The following EIPR1 variants were observed in gnomAD, a reference collection of about 807,000 sequenced individuals.
The protein encoded by EIPR1 is EARP complex and GARP complex interacting protein 1.
EIPR1 carries 25 observed loss-of-function variants against 48.1 expected under a neutral mutation model. The ratio of observed to expected loss-of-function variants is 0.52; its 90% CI spans 0.38 to 0.73. The LOEUF is 0.73. EIPR1 is among the 30% of genes least tolerant of loss of function. EIPR1 has a pLI of 0.00. For synonymous variants in EIPR1, 204 were observed against 201.9 expected (o/e 1.01, Z -0.09); for missense variants, 415 against 506.2 (o/e 0.82, Z 1.73).
chr2:3,314,325 C>T (rs558272537), intron 3 of EIPR1, among the ~76,000 whole-genome samples: 9 of 152,114 alleles, frequency 5.9e-5, no homozygotes, highest in Non-Finnish European at 1.3e-4. Flanking sequence ...AGGGCTTGCT[C>T]GAGCTAAGCC....
chr2:3,250,524 C>A (rs919948251), intron 4 of EIPR1, among the ~76,000 whole-genome samples: 1 of 152,116 alleles, frequency 6.6e-6, no homozygotes, highest in African/African-American at 2.4e-5. Flanking sequence ...CAAGTTAAGA[C>A]CTTGGGGGAC....
intron 3 of EIPR1, among the ~76,000 whole-genome samples, chr2:3,287,659 C>T (rs1191926597): frequency 6.7e-6 from 1 of 150,192 alleles, no homozygotes; most frequent in African/African-American, 2.5e-5. Context: ...AGCTCGTTCA[C>T]CACAATCCGG....
chr2:3,258,494 G>A (rs952144464), intron 3 of EIPR1, among the ~76,000 whole-genome samples: 12 of 115,550 alleles, frequency 1.0e-4, no homozygotes, highest in East Asian at 6.6e-4. Context: ...TATATATTGC[G>A]TTAGAACATA....
intron 3 of EIPR1, among the ~76,000 whole-genome samples, chr2:3,262,411 G>A (rs1667361651): frequency 1.3e-5 from 2 of 152,208 alleles, no homozygotes; most frequent in African/African-American, 4.8e-5. Context: ...GAGGACACCA[G>A]GACTTCCCCT....
intron 3 of EIPR1, among the ~76,000 whole-genome samples, chr2:3,308,554 C>T (rs777876784): frequency 2.0e-5 from 3 of 152,062 alleles, no homozygotes; most frequent in Admixed American, 6.5e-5. Flanking sequence ...TAGCAGATGG[C>T]CTCAGTCTCC....
intron 3 of EIPR1, among the ~76,000 whole-genome samples, chr2:3,259,590 C>G (rs1416470851): frequency 7.9e-5 from 12 of 152,230 alleles, no homozygotes; most frequent in African/African-American, 2.9e-4. Flanking sequence ...GTAGAGAAGG[C>G]AATGGAGGAA....
intron 2 of EIPR1, among the ~76,000 whole-genome samples, chr2:3,353,974 T>C (rs774135887): frequency 3.5e-4 from 53 of 152,120 alleles, no homozygotes; most frequent in African/African-American, 1.0e-3. Flanking sequence ...ATCTCCACTT[T>C]AGCAATAAGA....
At chr2:3,237,015 T>C (rs1274571820) in intron 4 of EIPR1, among the ~76,000 whole-genome samples, 1 of 152,094 alleles carries the variant, frequency 6.6e-6, no homozygotes, top group Admixed American at 6.6e-5. Flanking sequence ...CGGGTGGCTG[T>C]GATTTCCTAC....
At chr2:3,256,357 G>A (rs1272929250) in intron 4 of EIPR1, among the ~76,000 whole-genome samples, 10 of 152,060 alleles carry the variant, frequency 6.6e-5, no homozygotes, top group African/African-American at 1.7e-4. Context: ...TTCGGGGTAC[G>A]CCACGGCTGG....
intron 1 of EIPR1, among the ~76,000 whole-genome samples, chr2:3,360,011 A>C (rs1670815489): frequency 6.6e-6 from 1 of 152,212 alleles, no homozygotes; most frequent in Non-Finnish European, 1.5e-5. Context: ...ATGGTAAAGT[A>C]GGGTAGCTGG....
chr2:3,217,206 G>C (rs906206613), intron 4 of EIPR1, among the ~76,000 whole-genome samples: 2 of 152,150 alleles, frequency 1.3e-5, no homozygotes, highest in Non-Finnish European at 2.9e-5. Flanking sequence ...GAATTAATAA[G>C]ACCCCATAAC....
chr2:3,284,708 C>G (rs113604752), intron 3 of EIPR1, among the ~76,000 whole-genome samples: 135 of 152,324 alleles, frequency 8.9e-4, no homozygotes, highest in African/African-American at 2.9e-3. Flanking sequence ...TCAAATGGAG[C>G]CAGGATTCCA....
intron 3 of EIPR1, among the ~76,000 whole-genome samples, chr2:3,261,161 C>T (rs1369068326): frequency 5.9e-5 from 9 of 152,048 alleles, no homozygotes; most frequent in Non-Finnish European, 1.2e-4. Flanking sequence ...TAATGACCAA[C>T]GAGACCAGAG....
chr2:3,363,530 T>C (rs1670899396), intron 1 of EIPR1, among the ~76,000 whole-genome samples: 2 of 152,062 alleles, frequency 1.3e-5, no homozygotes, highest in Admixed American at 6.5e-5. Flanking sequence ...ATCCCGTCTC[T>C]ACATAAAATA....
intron 5 of EIPR1, among the ~76,000 whole-genome samples, chr2:3,198,165 G>A (rs538704155): frequency 6.6e-6 from 1 of 152,310 alleles, no homozygotes; most frequent in African/African-American, 2.4e-5. Context: ...GAGAAATAGG[G>A]CACCGTCTAA....
intron 4 of EIPR1, among the ~76,000 whole-genome samples, chr2:3,214,681 C>T (rs963064416): frequency 2.0e-4 from 30 of 152,176 alleles, no homozygotes; most frequent in Non-Finnish European, 3.2e-4. Flanking sequence ...TAACACAAGA[C>T]GTACTTTATA....
chr2:3,246,887 G>GGGAGGGAA (rs1666827895), intron 4 of EIPR1, among the ~76,000 whole-genome samples: 1 of 81,294 alleles, frequency 1.2e-5, no homozygotes, highest in Non-Finnish European at 2.5e-5. Flanking sequence ...GAGGGAGGGA[G>GGGAGGGAA]GGAGGGAGGG....
At chr2:3,224,318 T>C (rs1665989741) in intron 4 of EIPR1, among the ~76,000 whole-genome samples, 1 of 152,234 alleles carries the variant, frequency 6.6e-6, no homozygotes, top group Admixed American at 6.5e-5. Context: ...AACCCTGCCG[T>C]AAGAGCAACC....
At chr2:3,261,954 T>A (rs1667347610) in intron 3 of EIPR1, 1 of 152,210 alleles carries the variant, frequency 6.6e-6, no homozygotes, top group South Asian at 2.1e-4. Flanking sequence ...GTGGCTTTGC[T>A]GAATTCACCA....
Sources: gnomAD v4.1 joint callset for allele counts (sites outside exome capture counted in the v4.1 genomes callset) on GRCh38, gnomAD v4.1.1 for gene constraint, MANE v1.5 for transcripts, NCBI Gene and HGNC (gene_info 2026-07-23, HGNC 2026-07-21) for gene names.